TRAPPC9: variants seen among roughly 807,000 people sequenced by gnomAD.
The protein encoded by TRAPPC9 is trafficking protein particle complex subunit 9, also known as IKK2 binding protein.
In TRAPPC9, 83 loss-of-function variants were observed where a neutral mutation model predicts 124.0. The observed-to-expected ratio is 0.67, with a 90% CI of 0.56 to 0.80. TRAPPC9 has a LOEUF of 0.80. Among genes scored for constraint, TRAPPC9 ranks in the 30% least tolerant of loss-of-function variants. TRAPPC9 has a pLI of 0.00. For missense variants in TRAPPC9, 1,302 were observed against 1,508.3 expected, an observed-to-expected ratio of 0.86 and a Z score of 2.27; for synonymous variants, 638 against 617.5, an observed-to-expected ratio of 1.03 and a Z score of -0.49.
chr8:140,190,453 A>C (rs1471104373), intron 17 of TRAPPC9, among the ~76,000 whole-genome samples: 5 of 149,582 alleles, frequency 3.3e-5, no homozygotes, highest in African/African-American at 1.2e-4. Context: ...GCCAGACTCC[A>C]TCTCAAAAGA....
intron 15 of TRAPPC9, among the ~76,000 whole-genome samples, chr8:140,264,846 CTG>C (rs2064567031): frequency 6.6e-6 from 1 of 152,202 alleles, no homozygotes; most frequent in African/African-American, 2.4e-5. Context: ...GTGCTAAGCA[CTG>C]TGTTAGGTCC....
chr8:140,369,621 G>A (rs1250626536), intron 8 of TRAPPC9, among the ~76,000 whole-genome samples: 1 of 152,136 alleles, frequency 6.6e-6, no homozygotes, highest in Non-Finnish European at 1.5e-5. Context: ...TCAGTCAGCA[G>A]AGGCCAGTGA....
Position 140,372,076 on chromosome 8 carries a change from C to G in TRAPPC9, c.1135-896G>C, listed in dbSNP as rs145318364. The stretch of plus-strand genomic sequence containing the variant: ...TACCTGATTTACTCAATACAAGCAT[C>G]CTGTGAGCTGGCAAATAAGGACATT... On this transcript the variant is annotated intron_variant, in intron 7 of 22. Transcript: ENST00000438773. 4.1e-3 allele frequency among the ~76,000 whole-genome samples: 631 copies of G among 152,314 alleles called. 2 individuals are homozygous for G. The highest frequency in any genetic ancestry group is 7.1e-3 in the Non-Finnish European group (483 of 68,020).
rs1817632392 is a variant in TRAPPC9, at chr8:139,727,769, T to C, written c.*3292A>G. On this transcript the variant is annotated 3_prime_UTR_variant, in exon 23 of 23. Coordinates refer to ENST00000438773, the MANE Select transcript of TRAPPC9 (RefSeq NM_001160372.4). ...TGACAAAGAGCTCACTCCATCAGCA[T>C]TTCCTGTCCCATTTCAGCACCTGTG... 6.6e-6 allele frequency among the ~76,000 whole-genome samples: 1 copy of C among 152,312 alleles called. No individual in the cohort carries two copies. Among genetic ancestry groups the C allele is most frequent in the South Asian group, 2.1e-4 (1 of 4,820 alleles).
At chr8:139,918,934 G>T (rs1832327363) in intron 19 of TRAPPC9, among the ~76,000 whole-genome samples, 1 of 152,136 alleles carries the variant, frequency 6.6e-6, no homozygotes, top group Non-Finnish European at 1.5e-5. Context: ...ATCTTAACGG[G>T]ACTGCTTGGC....
rs144364389 is a variant in TRAPPC9 at position 140,338,502 on chromosome 8, A to C, written c.1495+21548T>G. On this transcript the variant is annotated intron_variant, in intron 9 of 22. Coordinates refer to ENST00000438773, the MANE Select transcript of TRAPPC9 (RefSeq NM_001160372.4). The stretch of plus-strand genomic sequence containing the variant: ...GTTGAATCGTGTCCCCTCCCCGCAA[A>C]ATTCGTATATTGAAGTCCTAACCCC... 6.6e-5 allele frequency among the ~76,000 whole-genome samples: 10 copies of C among 152,252 alleles called. No homozygotes were observed. The East Asian group carries it at 1.7e-3, about 26-fold the overall frequency.
At chr8:140,143,018 C>T (rs1487534023) in intron 17 of TRAPPC9, among the ~76,000 whole-genome samples, 1 of 152,118 alleles carries the variant, frequency 6.6e-6, no homozygotes, top group Non-Finnish European at 1.5e-5. Flanking sequence ...TAGCACAGCA[C>T]CCAGGATAAA....
In TRAPPC9 at chr8:140,371,276, TGAGGAGAATC is replaced by T. The variant is rs891723832; in HGVS notation, c.1135-106_1135-97del. ...AATGTCTCTTCATAAAACAAAGACCTGAGGAGAATCGAGGAGAATCAAGGAGAGGGAAAGC... is the reference window on the plus strand; with the variant it reads ...AATGTCTCTTCATAAAACAAAGACCTGAGGAGAATCAAGGAGAGGGAAAGC... On this transcript the variant is annotated intron_variant, in intron 7 of 22. Coordinates refer to ENST00000438773, the MANE Select transcript of TRAPPC9 (RefSeq NM_001160372.4). The T allele has an allele frequency of 8.4e-5, 105 of 1,246,566 alleles. No homozygotes were observed. In the African/African-American group the frequency reaches 1.5e-3, roughly 17 times the overall value. The allele number at this position is 1,246,566 out of a possible 1,614,324, so 77.2% of individuals were successfully genotyped here. A position where few individuals can be genotyped will look rare whatever the true frequency, so the allele number is the denominator to read the frequency against.
chr8:139,911,880 T>C (rs943319248), intron 19 of TRAPPC9, among the ~76,000 whole-genome samples: 3 of 152,016 alleles, frequency 2.0e-5, no homozygotes, highest in African/African-American at 7.2e-5. Context: ...CCCAAAGAAG[T>C]CTCAGTCTCC....
chr8:139,834,114 G>C (rs925156072), intron 21 of TRAPPC9, among the ~76,000 whole-genome samples: 1 of 152,186 alleles, frequency 6.6e-6, no homozygotes, highest in Admixed American at 6.5e-5. Context: ...TAGAGTTGTT[G>C]TAAGCCTGAG....
chr8:139,849,218 G>T (rs887735931), intron 21 of TRAPPC9, among the ~76,000 whole-genome samples: 6 of 152,240 alleles, frequency 3.9e-5, no homozygotes, highest in Non-Finnish European at 7.3e-5. Context: ...GAGGGCCACA[G>T]CCAGAAACAG....
intron 21 of TRAPPC9, among the ~76,000 whole-genome samples, chr8:139,765,992 C>T (rs1341869643): frequency 6.6e-6 from 1 of 152,214 alleles, no homozygotes; most frequent in Non-Finnish European, 1.5e-5. Flanking sequence ...GAAGCTTTAT[C>T]TCTCAAAGGG....
chr8:140,373,603 G>A (rs146141769), intron 7 of TRAPPC9, among the ~76,000 whole-genome samples: 6 of 152,292 alleles, frequency 3.9e-5, no homozygotes, highest in African/African-American at 1.2e-4. Flanking sequence ...AGGTCATGCC[G>A]ACGCCGACGA....
intron 21 of TRAPPC9, among the ~76,000 whole-genome samples, chr8:139,879,456 G>C (rs574183737): frequency 2.5e-4 from 38 of 152,316 alleles, no homozygotes; most frequent in African/African-American, 8.7e-4. Context: ...ACCGTGGCTG[G>C]CTAACTAAGG....
intron 16 of TRAPPC9, among the ~76,000 whole-genome samples, chr8:140,228,802 C>G (rs2063512907): frequency 6.6e-6 from 1 of 152,146 alleles, no homozygotes; most frequent in Non-Finnish European, 1.5e-5. Context: ...AATTCTATCA[C>G]AACAAATATT....
chr8:140,337,189 C>T (rs1481859733), intron 9 of TRAPPC9, among the ~76,000 whole-genome samples: 1 of 152,150 alleles, frequency 6.6e-6, no homozygotes, highest in African/African-American at 2.4e-5. Context: ...TGCCTTACTG[C>T]CTCCTCCTCG....
At chr8:139,855,872 C>A (rs1362187892) in intron 21 of TRAPPC9, among the ~76,000 whole-genome samples, 1 of 152,210 alleles carries the variant, frequency 6.6e-6, no homozygotes, top group Non-Finnish European at 1.5e-5. Flanking sequence ...CCTCTTATTT[C>A]ATCAGTAACA....
intron 17 of TRAPPC9, among the ~76,000 whole-genome samples, chr8:140,084,256 A>C (rs1383346423): frequency 6.6e-6 from 1 of 152,188 alleles, no homozygotes; most frequent in Non-Finnish European, 1.5e-5. Flanking sequence ...TAAACATGTT[A>C]TACTGCTATA....
intron 18 of TRAPPC9, among the ~76,000 whole-genome samples, chr8:140,023,006 CA>C (rs1839909547): frequency 6.6e-6 from 1 of 152,240 alleles, no homozygotes; most frequent in African/African-American, 2.4e-5. Flanking sequence ...CACGCTGCAG[CA>C]CACAGGGCCC....
Sources: allele counts gnomAD v4.1 joint callset (sites outside exome capture counted in the v4.1 genomes callset), GRCh38; gene constraint gnomAD v4.1.1; transcripts MANE v1.5; gene names NCBI Gene and HGNC (gene_info 2026-07-23, HGNC 2026-07-21).